Variants in TARS3 observed in about 807,000 individuals in gnomAD.
TARS3 encodes the protein threonyl-tRNA synthetase 3, also known as threonine--tRNA ligase 2, cytoplasmic.
A neutral mutation model predicts 103.5 loss-of-function variants in TARS3; 94 were observed. That is an observed-to-expected ratio of 0.91 (90% CI 0.77 to 1.08). The LOEUF (loss-of-function observed/expected upper bound fraction) is 1.08, where lower values mean the gene tolerates loss of function less well. Among genes scored for constraint, TARS3 ranks in the 50% least tolerant of loss-of-function variants. The probability of loss-of-function intolerance (pLI) is 0.00; values close to 1 mark genes in which losing one functional copy is unlikely to be tolerated. For synonymous variants in TARS3, 416 were observed against 355.4 expected, an observed-to-expected ratio of 1.17 and a Z score of -1.92; for missense variants, 952 against 995.2, an observed-to-expected ratio of 0.96 and a Z score of 0.58.
intron 10 of TARS3, among the ~76,000 whole-genome samples, chr15:101,699,992 G>C (rs930590311): frequency 6.6e-6 from 1 of 151,998 alleles, no homozygotes; most frequent in African/African-American, 2.4e-5. Flanking sequence ...CAGTTTGCAA[G>C]AATCTTAGTA....
rs577545900 is a variant in TARS3, at chr15:101,676,106, T to C, written c.1651-369A>G. ...AGGACACACTGAGTTGAAGGCTCCGTGGACAGAGGAGCAGACTAAGTCGGG... is the reference window on the plus strand; with the variant it reads ...AGGACACACTGAGTTGAAGGCTCCGCGGACAGAGGAGCAGACTAAGTCGGG... On this transcript the variant is annotated intron_variant, in intron 12 of 18. Transcript: ENST00000335968. Among the ~76,000 whole-genome samples, 34 of 152,264 alleles carry C rather than the reference T, an allele frequency of 2.2e-4. No individual in the cohort carries two copies. In the South Asian group the frequency reaches 4.8e-3, roughly 21 times the overall value.
chr15:101,661,380 T>G (rs1420738425), intron 16 of TARS3, among the ~76,000 whole-genome samples: 1 of 150,870 alleles, frequency 6.6e-6, no homozygotes, highest in Non-Finnish European at 1.5e-5. Context: ...GTCACATGTT[T>G]TCAGGACAGC....
intron 10 of TARS3, among the ~76,000 whole-genome samples, chr15:101,686,935 A>T (rs2141409531): frequency 6.6e-6 from 1 of 152,084 alleles, no homozygotes; most frequent in Non-Finnish European, 1.5e-5. Context: ...CTGTTTTCAC[A>T]GCTAAAAAAA....
chr15:101,707,414 G>A (rs1309760313), intron 6 of TARS3, among the ~76,000 whole-genome samples: 2 of 152,322 alleles, frequency 1.3e-5, no homozygotes, highest in South Asian at 2.1e-4. Context: ...GTTCACAATA[G>A]TAGCCAAAAG....
chr15:101,694,409 C>T (rs1251686274), intron 10 of TARS3, among the ~76,000 whole-genome samples: 1 of 152,214 alleles, frequency 6.6e-6, no homozygotes, highest in Non-Finnish European at 1.5e-5. Context: ...ACTCTGGCTA[C>T]TACTGACTGG....
chr15:101,722,602 C>G (rs948842509), intron 2 of TARS3, among the ~76,000 whole-genome samples: 2 of 129,086 alleles, frequency 1.5e-5, no homozygotes, highest in African/African-American at 5.9e-5. Context: ...GTCAGGAGAT[C>G]GAGATCCTCC....
intron 10 of TARS3, among the ~76,000 whole-genome samples, chr15:101,688,385 G>A (rs1047847341): frequency 1.3e-5 from 2 of 152,042 alleles, no homozygotes; most frequent in Non-Finnish European, 2.9e-5. Flanking sequence ...CTCAGTGACT[G>A]AGCAGTTCAC....
intron 15 of TARS3, among the ~76,000 whole-genome samples, chr15:101,663,473 AATG>A (rs1414444444): frequency 6.6e-6 from 1 of 150,898 alleles, no homozygotes; most frequent in African/African-American, 2.4e-5. Flanking sequence ...TTCACACAAC[AATG>A]ATATTGCCTA....
chr15:101,673,140 G>A (rs1429754266), intron 13 of TARS3, among the ~76,000 whole-genome samples: 1 of 152,196 alleles, frequency 6.6e-6, no homozygotes, highest in African/African-American at 2.4e-5. Context: ...CCAGGCCAGG[G>A]TTAGTTATTG....
chr15:101,668,385 C>T (rs1197353069), intron 15 of TARS3, among the ~76,000 whole-genome samples: 1 of 152,096 alleles, frequency 6.6e-6, no homozygotes, highest in Non-Finnish European at 1.5e-5. Flanking sequence ...GGAGTGGTCA[C>T]AACAGACGAC....
chr15:101,662,016 A>G (rs1219023489), intron 15 of TARS3, among the ~76,000 whole-genome samples, 200 bp from the exon 16 acceptor site: 1 of 152,100 alleles, frequency 6.6e-6, no homozygotes, highest in Non-Finnish European at 1.5e-5. Flanking sequence ...TTTTTATTAG[A>G]GCGCACTGAA....
At chr15:101,708,135 G>A (rs928028503) in intron 6 of TARS3, among the ~76,000 whole-genome samples, 3 of 151,814 alleles carry the variant, frequency 2.0e-5, no homozygotes, top group Non-Finnish European at 2.9e-5. Context: ...AGTCCCAGCT[G>A]AGGGACTGAG....
intron 9 of TARS3, among the ~76,000 whole-genome samples, chr15:101,701,457 A>G (rs970885911): frequency 1.6e-4 from 25 of 152,186 alleles, no homozygotes; most frequent in African/African-American, 6.0e-4. Context: ...TCATGGGGAG[A>G]CAACACGGTA....
At chr15:101,657,200 C>A (rs552968259) in intron 17 of TARS3, among the ~76,000 whole-genome samples, 164 bp from the exon 18 acceptor site, 1 of 152,218 alleles carries the variant, frequency 6.6e-6, no homozygotes, top group Admixed American at 6.5e-5. Context: ...GTCGGCGCAT[C>A]GTTTCTGAGA....
At chr15:101,718,630 C>T (rs1342694278) in intron 3 of TARS3, among the ~76,000 whole-genome samples, 1 of 152,242 alleles carries the variant, frequency 6.6e-6, no homozygotes, top group East Asian at 1.9e-4. Context: ...GCCAGTGGAA[C>T]TGCAAGGATT....
intron 2 of TARS3, among the ~76,000 whole-genome samples, chr15:101,722,100 G>A (rs1054196036): frequency 6.6e-5 from 10 of 152,136 alleles, no homozygotes; most frequent in Admixed American, 1.3e-4. Context: ...GTAAGACTAA[G>A]AGCATGTGTA....
At chr15:101,671,025 C>G (rs1897777368) in intron 15 of TARS3, among the ~76,000 whole-genome samples, 1 of 152,012 alleles carries the variant, frequency 6.6e-6, no homozygotes, top group Admixed American at 6.6e-5. Flanking sequence ...CACAAGAGAA[C>G]AACAGAATCA....
intron 5 of TARS3, among the ~76,000 whole-genome samples, 177 bp downstream of exon 5, chr15:101,711,703 G>C (rs929015238): frequency 1.3e-5 from 2 of 152,198 alleles, no homozygotes; most frequent in Non-Finnish European, 2.9e-5. Flanking sequence ...CAGGCTATTA[G>C]TTAAGTTTAG....
chr15:101,671,895 T>C (rs970841582), intron 13 of TARS3, 147 bp from the exon 14 acceptor site: 1 of 688,338 alleles, frequency 1.5e-6, no homozygotes, highest in African/African-American at 1.8e-5. Flanking sequence ...AATAAACTAT[T>C]GAGCAGGGAC....
Sources: gnomAD v4.1 joint callset for allele counts (sites outside exome capture counted in the v4.1 genomes callset) on GRCh38, gnomAD v4.1.1 for gene constraint, MANE v1.5 for transcripts, NCBI Gene and HGNC (gene_info 2026-07-23, HGNC 2026-07-21) for gene names.